ZNF215: variants seen among roughly 807,000 people sequenced by gnomAD.
ZNF215 encodes BWSCR2-associated zinc finger protein 2.
Under a neutral mutation model 27.2 loss-of-function variants are expected in ZNF215, and 24 were observed. The ratio of observed to expected loss-of-function variants is 0.88; its 90% confidence interval spans 0.64 to 1.24. The LOEUF (loss-of-function observed/expected upper bound fraction) is 1.24, where lower values mean the gene tolerates loss of function less well. Among genes scored for constraint, ZNF215 ranks in the 50% most tolerant of loss-of-function variants. ZNF215 has a pLI of 0.00. For synonymous variants in ZNF215, 210 were observed against 204.0 expected (o/e 1.03, Z -0.25); for missense variants, 675 against 605.7 (o/e 1.11, Z -1.20).
At chr11:6,943,448 G>T in intron 5 of ZNF215, 98 bp from the exon 6 acceptor site, 1 of 1,230,940 alleles carries the variant, frequency 8.1e-7, no homozygotes, top group Non-Finnish European at 1.2e-6. Flanking sequence ...TCAGCAGCTT[G>T]GATTACTGTG....
chr11:6,951,573 G>A (rs7932335), intron 6 of ZNF215, among the ~76,000 whole-genome samples: 9,214 of 152,154 alleles, frequency 0.061, 344 homozygotes, highest in East Asian at 0.15. Context: ...TGGGATCGGT[G>A]GTGATATCTC....
chr11:6,985,320 A>G (rs1190808284), downstream of ZNF215, among the ~76,000 whole-genome samples: 1 of 152,212 alleles, frequency 6.6e-6, no homozygotes, highest in Non-Finnish European at 1.5e-5. Flanking sequence ...ATTTACATAA[A>G]AAGCTTTTGA....
At chr11:6,993,431 CTGCACTA>C (rs1257313171), downstream of ZNF215, among the ~76,000 whole-genome samples, 4 of 152,170 alleles carry the variant, frequency 2.6e-5, no homozygotes, top group African/African-American at 9.7e-5. Context: ...TTTCTAAATA[CTGCACTA>C]TGCTTATGCA....
chr11:6,984,858 TA>T (rs74600059), downstream of ZNF215, among the ~76,000 whole-genome samples: 49,960 of 151,858 alleles, frequency 0.33, 8,408 homozygotes, highest in South Asian at 0.36. Context: ...AAAAAATAGT[TA>T]AAAAGAGAAC....
chr11:6,980,084 A>G (rs1412800827), intron 5 of ZNF215, among the ~76,000 whole-genome samples: 1 of 152,102 alleles, frequency 6.6e-6, no homozygotes, highest in Non-Finnish European at 1.5e-5. Context: ...TCAGGATCAT[A>G]TTATTTTGGA....
intron 6 of ZNF215, among the ~76,000 whole-genome samples, chr11:6,950,447 C>A (rs1313573534): frequency 1.3e-5 from 2 of 152,124 alleles, no homozygotes; most frequent in Non-Finnish European, 2.9e-5. Flanking sequence ...AGGTCCTTCA[C>A]GTCCCTTGTA....
At chr11:6,945,329 A>G (rs1179528141) in intron 6 of ZNF215, among the ~76,000 whole-genome samples, 1 of 151,986 alleles carries the variant, frequency 6.6e-6, no homozygotes, top group African/African-American at 2.4e-5. Flanking sequence ...CAGCTTTTTA[A>G]ACTTTTCTGG....
At chr11:6,970,476 G>A (rs2133334141) in intron 5 of ZNF215, among the ~76,000 whole-genome samples, 1 of 152,276 alleles carries the variant, frequency 6.6e-6, no homozygotes, top group Non-Finnish European at 1.5e-5. Context: ...TATTAACTTT[G>A]TTAGGTGATA....
chr11:6,942,870 T>C (rs141526781), intron 4 of ZNF215, among the ~76,000 whole-genome samples: 56 of 152,332 alleles, frequency 3.7e-4, no homozygotes, highest in African/African-American at 1.2e-3. Context: ...CACTTTTCTT[T>C]TGTATCCCTA....
chr11:6,962,723 G>A (rs917911810), downstream of ZNF215, among the ~76,000 whole-genome samples: 2 of 152,022 alleles, frequency 1.3e-5, no homozygotes, highest in Non-Finnish European at 2.9e-5. Flanking sequence ...CAGTCCTTGG[G>A]CCCCAGTGCA....
chr11:6,973,931 G>T (rs981062626), intron 5 of ZNF215, among the ~76,000 whole-genome samples: 1 of 152,088 alleles, frequency 6.6e-6, no homozygotes, highest in African/African-American at 2.4e-5. Context: ...GGCTTTTGTT[G>T]CTATTGCTTT....
At chr11:6,930,527 T>A (rs946139004) in intron 2 of ZNF215, among the ~76,000 whole-genome samples, 1 of 152,192 alleles carries the variant, frequency 6.6e-6, no homozygotes, top group African/African-American at 2.4e-5. Context: ...CATCTGCCAT[T>A]AAACTGTCTT....
chr11:6,952,560 T>C (rs1476165247), intron 6 of ZNF215, among the ~76,000 whole-genome samples: 6 of 152,090 alleles, frequency 3.9e-5, no homozygotes, highest in African/African-American at 1.4e-4. Context: ...TTGCAACCCC[T>C]ACCTTTTTTT....
chr11:6,943,347 G>A (rs1034916895), intron 5 of ZNF215, 132 bp downstream of exon 5: 59 of 1,379,926 alleles, frequency 4.3e-5, no homozygotes, highest in Admixed American at 7.0e-5. Context: ...TTTGGACACA[G>A]TAGCAGATTT....
Position 6,932,663 on chromosome 11 carries a change from G to C in ZNF215, c.391G>C (p.Glu131Gln), listed in dbSNP as rs1177482181. 1 of 1,606,810 alleles carries C rather than the reference G, an allele frequency of 6.2e-7. No individual in the cohort carries two copies. The highest frequency in any genetic ancestry group is 1.7e-5 in the Admixed American group (1 of 58,720). The change falls in exon 3 of 7, where the codon GAA becomes CAA. Residue 131 changes from glutamate (E) to glutamine (Q), a missense_variant. By Grantham distance (29) the Glu-to-Gln change is conservative (BLOSUM62 2). Transcript: ENST00000278319. ...TLIEDVIEMLEDEDMPCKDSA... is the reference protein window; with the variant it reads ...TLIEDVIEMLQDEDMPCKDSA... ...CATAGAAGATGTGATTGAAATGCTT[G>C]AAGATGAAGGTAAGAATATAAAGAA...
At chr11:6,949,695 T>C (rs981748096) in intron 6 of ZNF215, among the ~76,000 whole-genome samples, 1 of 152,216 alleles carries the variant, frequency 6.6e-6, no homozygotes, top group Non-Finnish European at 1.5e-5. Flanking sequence ...CTGTTCACTC[T>C]GATGGTAGTT....
chr11:6,972,900 G>T (rs1259149254), intron 5 of ZNF215, among the ~76,000 whole-genome samples: 1 of 33,370 alleles, frequency 3.0e-5, no homozygotes, highest in African/African-American at 9.4e-5. Context: ...AGCATTGAAA[G>T]GATTTTTTTA....
At chr11:6,974,867 A>G (rs972496996) in intron 5 of ZNF215, among the ~76,000 whole-genome samples, 2 of 152,072 alleles carry the variant, frequency 1.3e-5, no homozygotes, top group Non-Finnish European at 2.9e-5. Flanking sequence ...CTCTTTTCCT[A>G]ATTGAATGCC....
chr11:6,993,406 G>T (rs1173149046), downstream of ZNF215, among the ~76,000 whole-genome samples: 1 of 152,088 alleles, frequency 6.6e-6, no homozygotes, highest in Admixed American at 6.5e-5. Context: ...GATTCTTTTT[G>T]TATCTACCTA....
Sources: gnomAD v4.1 joint callset for allele counts (sites outside exome capture counted in the v4.1 genomes callset) on GRCh38, gnomAD v4.1.1 for gene constraint, MANE v1.5 for transcripts, NCBI Gene and HGNC (gene_info 2026-07-23, HGNC 2026-07-21) for gene names.